KNL1: variants seen among roughly 807,000 people sequenced by gnomAD.
The protein encoded by KNL1 is kinetochore scaffold 1.
KNL1 carries 66 observed loss-of-function variants against 201.3 expected under a neutral mutation model. That is an observed-to-expected ratio of 0.33 (90% CI 0.27 to 0.40). The LOEUF (loss-of-function observed/expected upper bound fraction) is 0.40, where lower values mean the gene tolerates loss of function less well. Among genes scored for constraint, KNL1 ranks in the 10% least tolerant of loss-of-function variants. The pLI is 1.00. For missense variants in KNL1, 2,815 were observed against 2,690.5 expected (o/e 1.05, Z -1.02); for synonymous variants, 895 against 899.2 (o/e 1.00, Z 0.08).
chr15:40,614,698 T>C (rs1380447253), intron 7 of KNL1, among the ~76,000 whole-genome samples: 2 of 152,252 alleles, frequency 1.3e-5, no homozygotes, highest in Non-Finnish European at 2.9e-5. Flanking sequence ...TAGCACTTTC[T>C]ATGTTATTAC....
At chr15:40,625,833 C>A (rs937694534) in intron 10 of KNL1, 193 bp downstream of exon 10, 10 of 491,492 alleles carry the variant, frequency 2.0e-5, no homozygotes, top group Non-Finnish European at 3.6e-5. Context: ...GACTTCAAAG[C>A]AATTTAAAGT....
chr15:40,641,733 C>T (rs888179130), intron 14 of KNL1, among the ~76,000 whole-genome samples: 1 of 152,192 alleles, frequency 6.6e-6, no homozygotes, highest in African/African-American at 2.4e-5. Flanking sequence ...AAATCCAAAA[C>T]ACTTCTGGTC....
Position 40,625,348 on chromosome 15 carries a change from G to A in KNL1, c.5084G>A (p.Gly1695Asp). ...CAGCCGGTCTCTAGCAAAGATTCAGGCATTGGATCTGTTGCAGGTAAACTG... is the reference window on the plus strand; with the variant it reads ...CAGCCGGTCTCTAGCAAAGATTCAGACATTGGATCTGTTGCAGGTAAACTG... The part of the protein sequence containing the change: ...ETQPVSSKDS[G>D]IGSVAGKLNL... The change falls in exon 10 of 26, where the codon GGC (glycine) becomes GAC (aspartate). Residue 1695 changes from glycine to aspartate, a missense_variant. Coordinates refer to ENST00000399668, the MANE Select transcript of KNL1 (RefSeq NM_144508.5). The A allele has an allele frequency of 6.2e-7, 1 of 1,614,076 alleles. No homozygotes were observed. The highest frequency in any genetic ancestry group is 1.7e-5 in the Admixed American group (1 of 59,998).
chr15:40,623,694 A>C lies in KNL1; in HGVS notation c.3430A>C (p.Asn1144His), dbSNP rs560466534. Residue 1144 changes from asparagine to histidine, a missense_variant, in exon 10 of 26, where the codon AAT becomes CAT. Transcript: ENST00000399668. ...TALECKTLLP[N>H]EIAIRPMDKT... ...CTTAGAATGTAAAACTCTCCTGCCAAATGAAATAGCTATTAGGCCCATGGA... is the reference window on the plus strand; with the variant it reads ...CTTAGAATGTAAAACTCTCCTGCCACATGAAATAGCTATTAGGCCCATGGA... 54 of 1,613,992 alleles carry C rather than the reference A, an allele frequency of 3.3e-5. No individual in the cohort carries two copies. In the African/African-American group the frequency reaches 6.3e-4, roughly 19 times the overall value.
Position 40,654,955 on chromosome 15 carries a change from C to G in KNL1, c.6462C>G (p.Val2154=). The G allele has an allele frequency of 6.2e-7, 1 of 1,612,622 alleles. No homozygotes were observed. Among genetic ancestry groups the G allele is most frequent in the African/African-American group, 1.3e-5 (1 of 75,018 alleles). ...LDKRYRKIVD[V]NFQSLLDEDQ... ...AGCGTTATAGGAAGATTGTTGATGTCAATTTTCAATCTCTGTTAGATGGTA... is the reference window on the plus strand; with the variant it reads ...AGCGTTATAGGAAGATTGTTGATGTGAATTTTCAATCTCTGTTAGATGGTA... The change falls in exon 22 of 26, where the codon GTC becomes GTG. Residue 2154 remains valine (V), a synonymous_variant. Coordinates refer to ENST00000399668, the MANE Select transcript of KNL1 (RefSeq NM_144508.5).
chr15:40,599,826 G>T (rs1227124945), intron 1 of KNL1, among the ~76,000 whole-genome samples: 1 of 136,964 alleles, frequency 7.3e-6, no homozygotes, highest in African/African-American at 2.8e-5. Context: ...AAGAGACGGG[G>T]TCTCCCTATG....
chr15:40,601,671 A>G (rs1891794860), intron 1 of KNL1, among the ~76,000 whole-genome samples: 1 of 151,416 alleles, frequency 6.6e-6, no homozygotes, highest in Non-Finnish European at 1.5e-5. Context: ...TACAAAAAAA[A>G]TTAGCCGGGC....
At chr15:40,609,815 C>T (rs1441718581) in intron 5 of KNL1, among the ~76,000 whole-genome samples, 1 of 152,054 alleles carries the variant, frequency 6.6e-6, no homozygotes, top group Non-Finnish European at 1.5e-5. Context: ...ATAACCTCTG[C>T]AGTAACAAAT....
Position 40,623,387 on chromosome 15 carries a change from T to A in KNL1, c.3123T>A (p.Thr1041=). 6.2e-7 allele frequency: 1 copy of A among 1,613,986 alleles called. No individual in the cohort carries two copies. Among genetic ancestry groups the A allele is most frequent in the South Asian group, 1.1e-5 (1 of 91,074 alleles). ...ADNMELSKSA[T]CKNIKDVQSP... is the part of the protein sequence containing the mutation. ...ACATGGAATTGTCTAAATCAGCCAC[T>A]TGCAAAAACATCAAAGATGTACAAA... is the stretch of plus-strand genomic sequence containing the variant. The change falls in exon 10 of 26, where the codon ACT becomes ACA. Residue 1041 remains threonine, a synonymous_variant. Transcript: ENST00000399668.
At chr15:40,597,967 C>T (rs961800742) in intron 1 of KNL1, among the ~76,000 whole-genome samples, 2 of 151,950 alleles carry the variant, frequency 1.3e-5, no homozygotes, top group South Asian at 2.1e-4. Context: ...GTGAAGAGTT[C>T]GAGACCAGCC....
intron 25 of KNL1, among the ~76,000 whole-genome samples, chr15:40,661,172 G>C (rs535152852): frequency 1.3e-5 from 2 of 152,128 alleles, no homozygotes; most frequent in South Asian, 4.2e-4. Context: ...CCATGAGTTT[G>C]ACACCAGCCT....
intron 1 of KNL1, among the ~76,000 whole-genome samples, chr15:40,600,793 G>A (rs1376290984): frequency 6.6e-6 from 1 of 152,114 alleles, no homozygotes; most frequent in African/African-American, 2.4e-5. Flanking sequence ...TACATAAAGT[G>A]AAAATCAAAT....
At chr15:40,603,575 A>G (rs1346103992) in intron 2 of KNL1, among the ~76,000 whole-genome samples, 1 of 152,214 alleles carries the variant, frequency 6.6e-6, no homozygotes, top group Non-Finnish European at 1.5e-5. Context: ...TGAGCAACAT[A>G]GTAAGACACC....
chr15:40,600,301 C>G (rs1891753253), intron 1 of KNL1, among the ~76,000 whole-genome samples: 1 of 152,182 alleles, frequency 6.6e-6, no homozygotes, highest in Non-Finnish European at 1.5e-5. Context: ...TCTCAAACTC[C>G]TGACCTGAGG....
rs375228507 is a variant in KNL1, at chr15:40,621,505, A to T, written c.1241A>T (p.Glu414Val). Residue 414 changes from glutamate (E) to valine (V), a missense_variant, in exon 10 of 26, where the codon GAA (glutamate) becomes GTA (valine). By Grantham distance (121) the Glu-to-Val change is moderately radical. Transcript: ENST00000399668. ...GCCAGAATATTAGCCATGACCCCAGAATCTATATATTCTAATCCATCTATT... is the reference window on the plus strand; with the variant it reads ...GCCAGAATATTAGCCATGACCCCAGTATCTATATATTCTAATCCATCTATT... ...QDARILAMTPESIYSNPSIQG... is the reference protein window; with the variant it reads ...QDARILAMTPVSIYSNPSIQG... The T allele has an allele frequency of 1.2e-6, 2 of 1,613,860 alleles. No individual in the cohort carries two copies. The highest frequency in any genetic ancestry group is 2.7e-5 in the African/African-American group (2 of 74,928).
At chr15:40,602,246 G>A (rs1891825908) in intron 1 of KNL1, among the ~76,000 whole-genome samples, 1 of 146,828 alleles carries the variant, frequency 6.8e-6, no homozygotes, top group East Asian at 2.0e-4. Context: ...TGTTAGCCAA[G>A]ATGGTCTCGA....
At position 40,594,879 on chromosome 15, in the gene KNL1, C is replaced by A. The variant is rs558130035; in HGVS notation, c.-18+487C>A. Among the ~76,000 whole-genome samples, 3 of 152,322 alleles carry A rather than the reference C, an allele frequency of 2.0e-5. No homozygotes were observed. The East Asian group carries it at 5.8e-4, about 29-fold the overall frequency. The stretch of plus-strand genomic sequence containing the variant: ...AGGTGTCTGCTCGGAGTGCTGGCCG[C>A]ACGTAACAGATTTTTCGTTTTCTGC... On this transcript the variant is annotated intron_variant, in intron 1 of 25. Coordinates refer to ENST00000399668, the MANE Select transcript of KNL1 (RefSeq NM_144508.5).
At chr15:40,641,786 C>T (rs1893236799) in intron 14 of KNL1, among the ~76,000 whole-genome samples, 1 of 152,182 alleles carries the variant, frequency 6.6e-6, no homozygotes, top group Non-Finnish European at 1.5e-5. Flanking sequence ...TATATAGTGC[C>T]TGAAATCAGA....
At chr15:40,657,006 A>G in intron 22 of KNL1, 36 bp from the exon 23 acceptor site, 1 of 977,742 alleles carries the variant, frequency 1.0e-6, no homozygotes, top group Non-Finnish European at 1.5e-6. Context: ...AATCATAAGT[A>G]ATAACCTGCT....
Sources: allele counts gnomAD v4.1 joint callset (sites outside exome capture counted in the v4.1 genomes callset), GRCh38; gene constraint gnomAD v4.1.1; transcripts MANE v1.5; gene names NCBI Gene and HGNC (gene_info 2026-07-23, HGNC 2026-07-21).